The following TGFBR2 variants were observed in gnomAD, a reference collection of about 807,000 sequenced individuals.
TGFBR2 encodes transforming growth factor beta receptor 2.
TGFBR2 carries 18 observed loss-of-function variants against 49.0 expected under a neutral mutation model. The observed-to-expected ratio is 0.37, with a 90% confidence interval of 0.25 to 0.54. The LOEUF (loss-of-function observed/expected upper bound fraction) is 0.54. TGFBR2 is among the 20% of genes least tolerant of loss of function. TGFBR2 has a pLI of 0.85. For synonymous variants in TGFBR2, 282 were observed against 275.9 expected, an observed-to-expected ratio of 1.02 and a Z score of -0.22; for missense variants, 525 against 722.6, an observed-to-expected ratio of 0.73 and a Z score of 3.13.
rs1265071908 is a variant in TGFBR2 at position 30,676,089 on chromosome 3, TA to T, written c.1396+1844del. On this transcript the variant is annotated intron_variant, in intron 5 of 6. Coordinates refer to ENST00000295754, the MANE Select transcript of TGFBR2 (RefSeq NM_003242.6). The surrounding 1 kb of genome is among the most constrained non-coding windows in gnomAD (Gnocchi z 4.3). Reference sequence around the variant, plus strand: ...GGTTTCACTAATGTTTTCTCATGATTAGATTGAGATTACATATTTTGGGCAA... The same window carrying T: ...GGTTTCACTAATGTTTTCTCATGATTGATTGAGATTACATATTTTGGGCAA... Among the ~76,000 whole-genome samples the T allele has an allele frequency of 2.0e-5, 3 of 152,220 alleles. No homozygotes were observed. The highest frequency in any genetic ancestry group is 7.2e-5 in the African/African-American group (3 of 41,450).
intron 2 of TGFBR2, 39 bp downstream of exon 2, chr3:30,644,954 CT>C (rs2125404974): frequency 6.3e-7 from 1 of 1,577,526 alleles, no homozygotes; most frequent in Non-Finnish European, 8.7e-7. Flanking sequence ...TTCTTTTCCC[CT>C]TTTTACATAA....
chr3:30,666,720 TTG>T lies in TGFBR2; in HGVS notation c.455-4917_455-4916del, dbSNP rs1699251594. On this transcript the variant is annotated intron_variant, in intron 3 of 6. Transcript: ENST00000295754. ...GGCAGGATCATAGTGTGCTGCCGCC[TTG>T]AACTCCTGCCTCAAGTAAAGTAATC... Among the ~76,000 whole-genome samples the T allele has an allele frequency of 7.8e-5, 11 of 141,114 alleles. No individual in the cohort carries two copies. In the South Asian group the frequency reaches 1.2e-3, roughly 15 times the overall value. The allele number at this position is 141,114 out of a possible 152,430, so 92.6% of individuals were successfully genotyped here.
chr3:30,658,672 A>G (rs570259301), intron 3 of TGFBR2, among the ~76,000 whole-genome samples: 26 of 152,330 alleles, frequency 1.7e-4, no homozygotes, highest in African/African-American at 6.0e-4. Context: ...TCTTGTAGCC[A>G]CAAAGTTTCA....
Position 30,691,783 on chromosome 3 carries a change from A to C in TGFBR2, c.*184A>C. On this transcript the variant is annotated 3_prime_UTR_variant, in exon 7 of 7. Coordinates refer to ENST00000295754, the MANE Select transcript of TGFBR2 (RefSeq NM_003242.6). ...GGGAGTGGGTGACATAGAGCATTCT[A>C]TGCCTTTGACATTGTCATAGGATAA... The C allele has an allele frequency of 1.5e-6, 1 of 648,064 alleles. No homozygotes were observed. The highest frequency in any genetic ancestry group is 1.7e-5 in the South Asian group (1 of 57,628). The allele number at this position is 648,064 out of a possible 1,614,324, so 40.1% of individuals were successfully genotyped here. A position where few individuals can be genotyped will look rare whatever the true frequency, so the allele number is the denominator to read the frequency against.
intron 3 of TGFBR2, among the ~76,000 whole-genome samples, chr3:30,653,351 A>C (rs994614905): frequency 6.7e-6 from 1 of 148,416 alleles, no homozygotes; most frequent in Admixed American, 6.9e-5. Context: ...TCCTGGATTC[A>C]AGCAATTCTC....
intron 2 of TGFBR2, among the ~76,000 whole-genome samples, chr3:30,647,780 G>A (rs749144021): frequency 3.3e-5 from 5 of 152,064 alleles, no homozygotes; most frequent in Non-Finnish European, 4.4e-5. Context: ...GGGTTCGTGC[G>A]ATTCTCCTGC....
At chr3:30,669,766 G>A (rs1699306711) in intron 3 of TGFBR2, among the ~76,000 whole-genome samples, 1 of 152,172 alleles carries the variant, frequency 6.6e-6, no homozygotes, top group African/African-American at 2.4e-5. Context: ...GCCTGTCTAT[G>A]TCTGAAGCTC....
intron 5 of TGFBR2, among the ~76,000 whole-genome samples, chr3:30,682,646 TCCTTA>T (rs769042942): frequency 9.9e-5 from 15 of 152,196 alleles, no homozygotes; most frequent in Non-Finnish European, 2.1e-4. Flanking sequence ...GAGATTCTCA[TCCTTA>T]CCTCACCTCC....
chr3:30,641,603 G>A (rs1037541044), intron 1 of TGFBR2, among the ~76,000 whole-genome samples: 3 of 152,176 alleles, frequency 2.0e-5, no homozygotes, highest in African/African-American at 4.8e-5. Flanking sequence ...CTGGGTTCTT[G>A]TGAAGTAATA....
At chr3:30,646,614 G>T (rs561531963) in intron 2 of TGFBR2, among the ~76,000 whole-genome samples, 94 of 152,280 alleles carry the variant, frequency 6.2e-4, no homozygotes, top group African/African-American at 1.7e-3. Flanking sequence ...CACAATCATG[G>T]TTTCCCAACA....
chr3:30,686,484 T>A (rs1699625065), intron 5 of TGFBR2, among the ~76,000 whole-genome samples: 1 of 152,020 alleles, frequency 6.6e-6, no homozygotes. Context: ...AAAGAAAATA[T>A]CCTGGCAGCT....
chr3:30,679,774 A>T (rs1040039576), intron 5 of TGFBR2, among the ~76,000 whole-genome samples: 3 of 152,208 alleles, frequency 2.0e-5, no homozygotes, highest in Admixed American at 6.5e-5. Context: ...TCTGTAGCTC[A>T]CAGGCCTTAG....
chr3:30,654,818 C>G (rs1369602098), intron 3 of TGFBR2, among the ~76,000 whole-genome samples: 1 of 152,208 alleles, frequency 6.6e-6, no homozygotes, highest in African/African-American at 2.4e-5. Flanking sequence ...TTATTGATCT[C>G]TCACTGAACC....
At position 30,691,677 on chromosome 3, in the gene TGFBR2, C is replaced by A. The variant is rs1699713242; in HGVS notation, c.*78C>A. On this transcript the variant is annotated 3_prime_UTR_variant, in exon 7 of 7. Transcript: ENST00000295754. ...GAACAGAGGCAGCAGGAAGCTGCCC[C>A]TGAACTGATGCTTCCTGGAAAACCA... is the stretch of plus-strand genomic sequence containing the variant. 5.7e-6 allele frequency: 9 copies of A among 1,567,610 alleles called. No homozygotes were observed. In the South Asian group the frequency reaches 1.0e-4, roughly 17 times the overall value.
At chr3:30,644,961 C>T in intron 2 of TGFBR2, 46 bp downstream of exon 2, 1 of 1,548,892 alleles carries the variant, frequency 6.5e-7, no homozygotes, top group Non-Finnish European at 8.9e-7. Flanking sequence ...CCCCTTTTTA[C>T]ATAATGTATT....
intron 1 of TGFBR2, among the ~76,000 whole-genome samples, chr3:30,613,352 T>C (rs893744417): frequency 6.6e-6 from 1 of 152,052 alleles, no homozygotes; most frequent in African/African-American, 2.4e-5. Context: ...TTTTAGACCA[T>C]GATTTGGTTA....
Position 30,671,707 on chromosome 3 carries a change from C to T in TGFBR2, c.524C>T (p.Pro175Leu), listed in dbSNP as rs1387250073. The part of the protein sequence containing the change: ...FQVTGISLLP[P>L]LGVAISVIII... Reference sequence around the variant, plus strand: ...GTGACAGGCATCAGCCTCCTGCCACCACTGGGAGTTGCCATATCTGTCATC... The same window carrying T: ...GTGACAGGCATCAGCCTCCTGCCACTACTGGGAGTTGCCATATCTGTCATC... Residue 175 changes from proline to leucine, a missense_variant, in exon 4 of 7, where the codon CCA becomes CTA. Physicochemically the swap from Pro to Leu is moderately conservative, Grantham distance 98. Transcript: ENST00000295754. 3 of 1,614,188 alleles carry T rather than the reference C, an allele frequency of 1.9e-6. No homozygotes were observed. In the Admixed American group the frequency reaches 5.0e-5, roughly 27 times the overall value.
chr3:30,618,755 A>C (rs547236794), intron 1 of TGFBR2, among the ~76,000 whole-genome samples: 1 of 152,234 alleles, frequency 6.6e-6, no homozygotes, highest in South Asian at 2.1e-4. Context: ...TTACTCTTCA[A>C]CATTTTTTAA....
chr3:30,649,974 A>T (rs1325795334), intron 2 of TGFBR2, among the ~76,000 whole-genome samples: 2 of 152,182 alleles, frequency 1.3e-5, no homozygotes, highest in African/African-American at 4.8e-5. Flanking sequence ...AGACTTAAAT[A>T]TGTAAAGTTC....
Sources: allele counts gnomAD v4.1 joint callset (sites outside exome capture counted in the v4.1 genomes callset), GRCh38; gene constraint gnomAD v4.1.1; non-coding constraint Gnocchi (gnomAD v3.1); transcripts MANE v1.5; gene names NCBI Gene and HGNC (gene_info 2026-07-23, HGNC 2026-07-21).